Variants in DHX34 observed in about 807,000 individuals in gnomAD.
DHX34 encodes the protein probable ATP-dependent RNA helicase DHX34.
DHX34 carries 96 observed loss-of-function variants against 111.1 expected under a neutral mutation model. That is an observed-to-expected ratio of 0.86 (90% confidence interval 0.73 to 1.02). The LOEUF is 1.02. Among genes scored for constraint, DHX34 ranks in the 50% least tolerant of loss-of-function variants. The pLI is 0.00. For missense variants in DHX34, 1,560 were observed against 1,579.9 expected, an observed-to-expected ratio of 0.99 and a Z score of 0.21; for synonymous variants, 688 against 670.4, an observed-to-expected ratio of 1.03 and a Z score of -0.41.
At chr19:47,368,612 ATGTG>A (rs374912105) in intron 7 of DHX34, among the ~76,000 whole-genome samples, 9,795 of 141,562 alleles carry the variant, frequency 0.069, 367 homozygotes, top group East Asian at 0.11. Context: ...GGTCCATTGA[ATGTG>A]TGTGTGTGTG....
intron 8 of DHX34, among the ~76,000 whole-genome samples, chr19:47,373,229 G>A (rs1970026569): frequency 6.6e-6 from 1 of 151,968 alleles, no homozygotes; most frequent in Non-Finnish European, 1.5e-5. Context: ...TATGTCCCTT[G>A]AGTCCTCACC....
In DHX34 at chr19:47,380,867, G is replaced by T; in HGVS notation, c.3034G>T (p.Val1012Leu). 1 of 1,613,924 alleles carries T rather than the reference G, an allele frequency of 6.2e-7. No individual in the cohort carries two copies. Among genetic ancestry groups the T allele is most frequent in the South Asian group, 1.1e-5 (1 of 91,078 alleles). ...AGGGCTAGAAGTCCAGAACATGTAT[G>T]TGGGACCCCAGACCATCCCAGCCAC... ...LTGLEVQNMY[V>L]GPQTIPATPH... The change falls in exon 15 of 17, where the codon GTG (valine) becomes TTG (leucine). Residue 1012 changes from valine (V) to leucine (L), a missense_variant. By Grantham distance (32) the Val-to-Leu change is conservative (BLOSUM62 1). Coordinates refer to ENST00000328771, the MANE Select transcript of DHX34 (RefSeq NM_014681.6).
In DHX34 at chr19:47,379,138, A is replaced by AC. The variant is rs1568408095; in HGVS notation, c.2707-572_2707-571insC. On this transcript the variant is annotated intron_variant, in intron 13 of 16. Coordinates refer to ENST00000328771, the MANE Select transcript of DHX34 (RefSeq NM_014681.6). ...AGTGAGACTCATCTCAAATAAATAAATAAATTAATAATAATAATAATAAGA... is the reference window on the plus strand; with the variant it reads ...AGTGAGACTCATCTCAAATAAATAAACTAAATTAATAATAATAATAATAAGA... Among the ~76,000 whole-genome samples the AC allele has an allele frequency of 2.0e-5, 3 of 148,742 alleles. No individual in the cohort carries two copies. In the East Asian group the frequency reaches 5.8e-4, roughly 29 times the overall value.
Position 47,352,801 on chromosome 19 carries a change from T to TC in DHX34, c.-229dup. 1.4e-6 allele frequency: 1 copy of TC among 714,774 alleles called. No individual in the cohort carries two copies. Among genetic ancestry groups the TC allele is most frequent in the East Asian group, 2.9e-5 (1 of 34,472 alleles). The allele number at this position is 714,774 out of a possible 1,614,324, so 44.3% of individuals were successfully genotyped here. A position where few individuals can be genotyped will look rare whatever the true frequency, so the allele number is the denominator to read the frequency against. ...AATGAACTTGTGTCCATCCCAGAGA[T>TC]CACTGCAGATGTCATGAGGTACCCT... On this transcript the variant is annotated 5_prime_UTR_variant, in exon 2 of 17. The change abolishes the stop of an existing upstream ORF in the 5' untranslated region. Coordinates refer to ENST00000328771, the MANE Select transcript of DHX34 (RefSeq NM_014681.6).
In DHX34 at chr19:47,373,660, A is replaced by C. The variant is rs1970041254; in HGVS notation, c.2024A>C (p.His675Pro). 6.2e-7 allele frequency: 1 copy of C among 1,614,070 alleles called. No individual in the cohort carries two copies. Residue 675 changes from histidine (H) to proline (P), a missense_variant, in exon 9 of 17, where the codon CAT becomes CCT. His to Pro is a moderately conservative substitution (Grantham distance 77). Transcript: ENST00000328771. ...KWCRRRGIEE[H>P]RLYEMANLRR... Reference sequence around the variant, plus strand: ...TGCCGCCGCCGGGGCATAGAGGAGCATCGACTGTACGAAATGGCCAACCTT... The same window carrying C: ...TGCCGCCGCCGGGGCATAGAGGAGCCTCGACTGTACGAAATGGCCAACCTT...
intron 7 of DHX34, among the ~76,000 whole-genome samples, chr19:47,368,657 CACACAT>C (rs1168315608): frequency 1.4e-5 from 2 of 144,454 alleles, no homozygotes; most frequent in Admixed American, 6.8e-5. Context: ...CACACACACA[CACACAT>C]ACACACACAT....
Position 47,355,068 on chromosome 19 carries a change from A to G in DHX34, c.735A>G (p.Thr245=), listed in dbSNP as rs1168592138. The part of the protein sequence containing the change: ...QVGYQIRFES[T]RSAATKIVFL... ...GCTACCAGATCCGCTTTGAGAGCAC[A>G]CGTTCGGCGGCCACCAAGATTGTAT... Residue 245 remains threonine (T), a synonymous_variant, in exon 3 of 17, where the codon ACA becomes ACG. Transcript: ENST00000328771. 8.1e-6 allele frequency: 13 copies of G among 1,610,712 alleles called. No homozygotes were observed. The South Asian group carries it at 1.4e-4, about 18-fold the overall frequency.
rs1202778174 is a variant in DHX34 at position 47,380,881 on chromosome 19, C to T, written c.3048C>T (p.Thr1016=). The T allele has an allele frequency of 4.3e-6, 7 of 1,613,800 alleles. No individual in the cohort carries two copies. Among genetic ancestry groups the T allele is most frequent in the East Asian group, 2.2e-5 (1 of 44,872 alleles). Residue 1016 remains threonine, a synonymous_variant, in exon 15 of 17, where the codon ACC becomes ACT. Transcript: ENST00000328771. ...EVQNMYVGPQ[T]IPATPHLPGL... ...AGAACATGTATGTGGGACCCCAGAC[C>T]ATCCCAGCCACCCCCCATCTTCCTG...
Position 47,376,496 on chromosome 19 carries a change from C to T in DHX34, c.2535C>T (p.Phe845=), listed in dbSNP as rs571902778. 6.8e-5 allele frequency: 109 copies of T among 1,606,502 alleles called. No homozygotes were observed. The Admixed American group carries it at 7.9e-4, about 12-fold the overall frequency. The change falls in exon 12 of 17, where the codon TTC becomes TTT. Residue 845 remains phenylalanine (F), a synonymous_variant. Transcript: ENST00000328771. ...CCGTGCTGCACCCCACCTGCGTCTT[C>T]GCTGGCAGCCCCGAGGTGCTGCACG... ...QGAVLHPTCV[F]AGSPEVLHAQ... is the part of the protein sequence containing the mutation.
At chr19:47,381,373 C>G (rs764499196) in intron 16 of DHX34, 49 bp downstream of exon 16, 1 of 1,583,916 alleles carries the variant, frequency 6.3e-7, no homozygotes, top group Non-Finnish European at 8.6e-7. Flanking sequence ...AGCCGTCTGC[C>G]CATCCCATGA....
In DHX34 at chr19:47,377,176, G is replaced by C. The variant is rs957769932; in HGVS notation, c.2676G>C (p.Leu892=). Residue 892 remains leucine (L), a synonymous_variant, in exon 13 of 17, where the codon CTG becomes CTC. Transcript: ENST00000328771. ...TGCTGGAGACCAACAAGCCGTACCTGGTGAACTGCGTCCGCATCCCTGCCC... is the reference window on the plus strand; with the variant it reads ...TGCTGGAGACCAACAAGCCGTACCTCGTGAACTGCGTCCGCATCCCTGCCC... ...VSLLETNKPY[L]VNCVRIPALQ... The C allele has an allele frequency of 4.3e-6, 7 of 1,613,918 alleles. No homozygotes were observed. In the South Asian group the frequency reaches 6.6e-5, roughly 15 times the overall value.
At chr19:47,374,343 A>G (rs1037155716) in intron 9 of DHX34, among the ~76,000 whole-genome samples, 1 of 150,166 alleles carries the variant, frequency 6.7e-6, no homozygotes, top group Non-Finnish European at 1.5e-5. Context: ...AGGCTGAAGC[A>G]GGAGAGTCGT....
intron 13 of DHX34, among the ~76,000 whole-genome samples, chr19:47,379,326 A>C (rs1265913507): frequency 1.3e-5 from 2 of 151,462 alleles, no homozygotes; most frequent in Non-Finnish European, 3.0e-5. Context: ...CTTATGAGCC[A>C]CAGCACTGGT....
rs761628939 is a variant in DHX34, at chr19:47,372,751, C to G, written c.1790C>G (p.Ser597Cys). The G allele has an allele frequency of 1.2e-6, 2 of 1,610,392 alleles. No individual in the cohort carries two copies. The highest frequency in any genetic ancestry group is 1.7e-6 in the Non-Finnish European group (2 of 1,178,686). ...VVIGKMLILG[S>C]MFSLVEPVLT... Reference sequence around the variant, plus strand: ...GCAGGGAAGATGCTGATCCTGGGCTCCATGTTCAGCCTGGTGGAGCCTGTG... The same window carrying G: ...GCAGGGAAGATGCTGATCCTGGGCTGCATGTTCAGCCTGGTGGAGCCTGTG... The change falls in exon 8 of 17, where the codon TCC (serine) becomes TGC (cysteine). Residue 597 changes from serine (S) to cysteine (C), a missense_variant. Physicochemically the swap from Ser to Cys is moderately radical, Grantham distance 112. Coordinates refer to ENST00000328771, the MANE Select transcript of DHX34 (RefSeq NM_014681.6).
At chr19:47,377,568 A>G (rs999319096) in intron 13 of DHX34, among the ~76,000 whole-genome samples, 1 of 123,406 alleles carries the variant, frequency 8.1e-6, no homozygotes, top group African/African-American at 3.8e-5. Context: ...GTGGTACAAG[A>G]TAAGGCCACC....
At chr19:47,356,751 C>T (rs894310096) in intron 3 of DHX34, among the ~76,000 whole-genome samples, 2 of 151,920 alleles carry the variant, frequency 1.3e-5, no homozygotes, top group African/African-American at 2.4e-5. Context: ...GTCAGGAGTT[C>T]GAGACCAGCC....
chr19:47,358,250 G>T (rs1185187701), intron 4 of DHX34, 130 bp downstream of exon 4: 10 of 1,437,816 alleles, frequency 7.0e-6, no homozygotes, highest in Non-Finnish European at 9.1e-6. Flanking sequence ...TAGCCACCTA[G>T]TGGCAGAGCC....
chr19:47,365,710 G>A (rs1259086686), intron 6 of DHX34, among the ~76,000 whole-genome samples: 3 of 152,064 alleles, frequency 2.0e-5, no homozygotes, highest in Non-Finnish European at 2.9e-5. Flanking sequence ...CTTCCTTCTC[G>A]CTCTCTGGCT....
At chr19:47,379,017 T>C (rs1970260391) in intron 13 of DHX34, among the ~76,000 whole-genome samples, 2 of 151,932 alleles carry the variant, frequency 1.3e-5, no homozygotes, top group South Asian at 2.1e-4. Flanking sequence ...TAATCCCAGC[T>C]ACTAGGGAGG....
Sources: gnomAD v4.1 joint callset for allele counts (sites outside exome capture counted in the v4.1 genomes callset) on GRCh38, gnomAD v4.1.1 for gene constraint, MANE v1.5 for transcripts, NCBI Gene and HGNC (gene_info 2026-07-23, HGNC 2026-07-21) for gene names.